AGBL4: variants seen among roughly 807,000 people sequenced by gnomAD.
AGBL4 encodes AGBL carboxypeptidase 4.
Under a neutral mutation model 66.4 loss-of-function variants are expected in AGBL4, and 58 were observed. That is an observed-to-expected ratio of 0.87 (90% CI 0.71 to 1.09). The LOEUF (loss-of-function observed/expected upper bound fraction) is 1.09, where lower values mean the gene tolerates loss of function less well. Among genes scored for constraint, AGBL4 ranks in the 50% least tolerant of loss-of-function variants. The pLI is 0.00. For synonymous variants in AGBL4, 234 were observed against 222.9 expected, an observed-to-expected ratio of 1.05 and a Z score of -0.44; for missense variants, 579 against 631.0, an observed-to-expected ratio of 0.92 and a Z score of 0.88.
chr1:49,406,639 C>T (rs898941913), intron 3 of AGBL4, among the ~76,000 whole-genome samples: 3 of 151,826 alleles, frequency 2.0e-5, no homozygotes, highest in African/African-American at 4.8e-5. Flanking sequence ...CTCAACTATA[C>T]AAATGTGGTT....
At chr1:49,991,540 T>A (rs1382470211) in intron 1 of AGBL4, among the ~76,000 whole-genome samples, 1 of 152,190 alleles carries the variant, frequency 6.6e-6, no homozygotes, top group African/African-American at 2.4e-5. Flanking sequence ...TATATTTAGA[T>A]AATCAACCAT....
intron 5 of AGBL4, among the ~76,000 whole-genome samples, chr1:48,960,385 G>A (rs531735925): frequency 6.6e-6 from 1 of 152,276 alleles, no homozygotes; most frequent in Non-Finnish European, 1.5e-5. Context: ...AAGATATTGA[G>A]TTAACAATTG....
intron 6 of AGBL4, among the ~76,000 whole-genome samples, chr1:48,694,547 A>C (rs1054266024): frequency 2.0e-5 from 3 of 152,238 alleles, no homozygotes; most frequent in Non-Finnish European, 2.9e-5. Flanking sequence ...AAGTCAGCCC[A>C]TGGTGACTGG....
chr1:49,240,142 A>G (rs1408045844), intron 4 of AGBL4, among the ~76,000 whole-genome samples: 1 of 152,142 alleles, frequency 6.6e-6, no homozygotes, highest in Non-Finnish European at 1.5e-5. Context: ...GAGGCTAAAC[A>G]TTACTACATT....
chr1:49,270,800 A>G (rs947834008), intron 3 of AGBL4, among the ~76,000 whole-genome samples: 16 of 152,190 alleles, frequency 1.1e-4, no homozygotes, highest in Non-Finnish European at 1.0e-4. Context: ...TGGCAAAAAG[A>G]TAGGTCCTTT....
intron 3 of AGBL4, among the ~76,000 whole-genome samples, chr1:49,435,523 G>T (rs2148661908): frequency 6.6e-6 from 1 of 152,328 alleles, no homozygotes; most frequent in South Asian, 2.1e-4. Context: ...TTGTTGGTCA[G>T]AGAACATGTG....
In AGBL4 at chr1:49,284,440, G is replaced by A. The variant is rs370600317; in HGVS notation, c.283-38576C>T. ...ATCATGCCAAAATGTAAAGACCATC[G>A]AGACTAGGAAGAAACTGCATCAACT... On this transcript the variant is annotated intron_variant, in intron 3 of 13. Transcript: ENST00000371839. Among the ~76,000 whole-genome samples, 71 of 151,994 alleles carry A rather than the reference G, an allele frequency of 4.7e-4. 1 individual carries two copies. The South Asian group carries it at 9.6e-3, about 21-fold the overall frequency.
At chr1:49,152,938 T>C (rs1462018247) in intron 4 of AGBL4, among the ~76,000 whole-genome samples, 2 of 152,118 alleles carry the variant, frequency 1.3e-5, no homozygotes, top group African/African-American at 4.8e-5. Context: ...ATACTGCCAG[T>C]CACACTGCTC....
intron 6 of AGBL4, among the ~76,000 whole-genome samples, chr1:48,687,816 C>T (rs1162503513): frequency 2.6e-5 from 4 of 152,206 alleles, no homozygotes; most frequent in African/African-American, 7.2e-5. Context: ...CCTTCAGGTC[C>T]TGCTCCTGCA....
chr1:49,330,950 T>C (rs1645320872), intron 3 of AGBL4, among the ~76,000 whole-genome samples: 1 of 152,120 alleles, frequency 6.6e-6, no homozygotes, highest in Non-Finnish European at 1.5e-5. Context: ...ACGGCCCACC[T>C]GGGAGCAACA....
At chr1:49,021,638 A>G (rs953624015) in intron 5 of AGBL4, among the ~76,000 whole-genome samples, 1 of 152,164 alleles carries the variant, frequency 6.6e-6, no homozygotes, top group Non-Finnish European at 1.5e-5. Flanking sequence ...CTGTGAGTAA[A>G]AAATTCCGGT....
chr1:48,765,035 T>C (rs1644462661), intron 6 of AGBL4, among the ~76,000 whole-genome samples: 1 of 152,222 alleles, frequency 6.6e-6, no homozygotes, highest in Non-Finnish European at 1.5e-5. Context: ...TAGAATGCCC[T>C]TCTTTCTTAT....
At chr1:48,770,817 T>C (rs1286285304) in intron 6 of AGBL4, among the ~76,000 whole-genome samples, 1 of 152,166 alleles carries the variant, frequency 6.6e-6, no homozygotes, top group Non-Finnish European at 1.5e-5. Flanking sequence ...TCCCATGAAT[T>C]AGTCCCTCCT....
chr1:50,012,136 G>A (rs149074533), intron 1 of AGBL4, among the ~76,000 whole-genome samples: 135 of 150,160 alleles, frequency 9.0e-4, no homozygotes, highest in African/African-American at 3.0e-3. Context: ...TCCGCAATCC[G>A]GCCTGGGCGA....
chr1:49,150,514 G>C (rs942052435), intron 4 of AGBL4, among the ~76,000 whole-genome samples: 1 of 152,126 alleles, frequency 6.6e-6, no homozygotes, highest in Non-Finnish European at 1.5e-5. Context: ...AGGGGATTTT[G>C]CTGTTTCATG....
chr1:49,686,345 G>A (rs1241321748), intron 3 of AGBL4, among the ~76,000 whole-genome samples: 1 of 152,176 alleles, frequency 6.6e-6, no homozygotes, highest in African/African-American at 2.4e-5. Flanking sequence ...CACAGTAAGT[G>A]CTTAATCTTG....
At chr1:48,902,544 T>G (rs1340377156) in intron 5 of AGBL4, among the ~76,000 whole-genome samples, 1 of 152,050 alleles carries the variant, frequency 6.6e-6, no homozygotes, top group Non-Finnish European at 1.5e-5. Flanking sequence ...TGGTGACGAG[T>G]GAGGGCTAAA....
intron 3 of AGBL4, among the ~76,000 whole-genome samples, chr1:49,630,761 T>C (rs967072966): frequency 6.6e-6 from 1 of 152,202 alleles, no homozygotes; most frequent in African/African-American, 2.4e-5. Flanking sequence ...TTTGAAGAGC[T>C]ACTCCAGTAG....
intron 2 of AGBL4, among the ~76,000 whole-genome samples, chr1:49,794,961 T>C (rs1201839249): frequency 6.6e-6 from 1 of 151,884 alleles, no homozygotes. Context: ...CACTAGATGT[T>C]GAAAAGTAAA....
Sources: gnomAD v4.1 joint callset for allele counts (sites outside exome capture counted in the v4.1 genomes callset) on GRCh38, gnomAD v4.1.1 for gene constraint, MANE v1.5 for transcripts, NCBI Gene and HGNC (gene_info 2026-07-23, HGNC 2026-07-21) for gene names.